The following IL1RAPL1 variants were observed in gnomAD, a reference collection of about 807,000 sequenced individuals.
The protein encoded by IL1RAPL1 is interleukin 1 receptor accessory protein like 1.
In IL1RAPL1, 3 loss-of-function variants were observed where a neutral mutation model predicts 48.4. That is an observed-to-expected ratio of 0.06 (90% CI 0.03 to 0.16). IL1RAPL1 has a LOEUF of 0.16. Ranked by LOEUF, IL1RAPL1 falls within the 10% of genes least tolerant of loss-of-function variation. IL1RAPL1 has a pLI of 1.00. For missense variants in IL1RAPL1, 349 were observed against 530.6 expected, an observed-to-expected ratio of 0.66 and a Z score of 3.36; for synonymous variants, 185 against 187.7, an observed-to-expected ratio of 0.99 and a Z score of 0.12.
intron 1 of IL1RAPL1, among the ~76,000 whole-genome samples, chrX:28,687,931 G>A (rs1263213877): frequency 3.6e-5 from 4 of 109,795 alleles, no homozygotes; most frequent in Admixed American, 1.9e-4. Flanking sequence ...GCGAAACTTC[G>A]TCTCTACTAA....
chrX:29,930,246 C>T (rs772612217), intron 8 of IL1RAPL1, among the ~76,000 whole-genome samples: 1 of 111,955 alleles, frequency 8.9e-6, no homozygotes, highest in African/African-American at 3.2e-5. Context: ...TAAAAAATTC[C>T]TGTTAGACTT....
intron 2 of IL1RAPL1, among the ~76,000 whole-genome samples, chrX:29,059,125 A>G (rs551666883): frequency 1.0e-3 from 115 of 112,085 alleles, no homozygotes; most frequent in South Asian, 3.4e-3. Flanking sequence ...ATTTTGGTTT[A>G]TGTTAATAGA....
chrX:28,876,466 T>A (rs1922375680), intron 2 of IL1RAPL1, among the ~76,000 whole-genome samples: 1 of 111,513 alleles, frequency 9.0e-6, no homozygotes, highest in Non-Finnish European at 1.9e-5. Flanking sequence ...GATATCTCTG[T>A]CACATCTGAG....
intron 3 of IL1RAPL1, among the ~76,000 whole-genome samples, chrX:29,371,373 C>G (rs962373852): frequency 3.0e-4 from 33 of 111,133 alleles, no homozygotes; most frequent in Non-Finnish European, 9.4e-5. Flanking sequence ...TTCAGGTGAT[C>G]CACCTGCCTC....
At position 29,013,087 on chromosome X, in the gene IL1RAPL1, T is replaced by C. The variant is rs950780752; in HGVS notation, c.82+223662T>C. ...CTGGTCCTGTCAAAGCAAAAGCATA[T>C]GAAACAAACATGTGAGAAAAGTTCA... On this transcript the variant is annotated intron_variant, in intron 2 of 10. Coordinates refer to ENST00000378993, the MANE Select transcript of IL1RAPL1 (RefSeq NM_014271.4). Among the ~76,000 whole-genome samples the C allele has an allele frequency of 8.2e-5, 9 of 110,175 alleles. No homozygotes were observed. The East Asian group carries it at 2.6e-3, about 32-fold the overall frequency.
At chrX:29,705,010 C>A (rs1324850812) in intron 6 of IL1RAPL1, among the ~76,000 whole-genome samples, 3 of 110,886 alleles carry the variant, frequency 2.7e-5, no homozygotes, top group Non-Finnish European at 5.7e-5. Context: ...TCTGGTATAG[C>A]CTTCAGCCAA....
intron 2 of IL1RAPL1, among the ~76,000 whole-genome samples, chrX:29,150,499 A>G (rs1929440920): frequency 1.8e-5 from 2 of 111,718 alleles, no homozygotes; most frequent in South Asian, 3.7e-4. Flanking sequence ...GACAAGGGGA[A>G]CCATGACCCC....
intron 2 of IL1RAPL1, among the ~76,000 whole-genome samples, chrX:28,875,137 T>A (rs1922334264): frequency 8.9e-6 from 1 of 112,085 alleles, no homozygotes; most frequent in African/African-American, 3.2e-5. Context: ...TTGATTAAAA[T>A]TATGAATAAT....
At chrX:29,101,765 G>A (rs149745997) in intron 2 of IL1RAPL1, among the ~76,000 whole-genome samples, 3 of 110,712 alleles carry the variant, frequency 2.7e-5, no homozygotes, top group South Asian at 3.9e-4. Context: ...GTGAAACTCC[G>A]TCTCTGCTAA....
intron 5 of IL1RAPL1, among the ~76,000 whole-genome samples, chrX:29,562,078 ATCTAATCTATCTGTCT>A (rs1279262162): frequency 4.8e-5 from 4 of 83,161 alleles, no homozygotes; most frequent in Non-Finnish European, 6.9e-5. Flanking sequence ...CTATCTATCT[ATCTAATCTATCTGTCT>A]ATCTATCTAT....
intron 5 of IL1RAPL1, among the ~76,000 whole-genome samples, chrX:29,438,216 A>G (rs193192517): frequency 8.3e-4 from 92 of 111,359 alleles, no homozygotes; most frequent in Admixed American, 3.8e-3. Context: ...TACAGGGTCT[A>G]TAGCAATAGT....
At chrX:29,547,883 A>T (rs1921679217) in intron 5 of IL1RAPL1, among the ~76,000 whole-genome samples, 1 of 112,700 alleles carries the variant, frequency 8.9e-6, no homozygotes. Context: ...GTCCTTAAAC[A>T]TAAGAGAAAC....
intron 2 of IL1RAPL1, among the ~76,000 whole-genome samples, chrX:29,112,886 G>A (rs1485543446): frequency 1.3e-4 from 12 of 94,429 alleles, no homozygotes; most frequent in Admixed American, 1.0e-3. Flanking sequence ...TGCAACCTCC[G>A]CCCCCCAGGT....
At chrX:29,932,779 TTATTTA>T (rs1444513989) in intron 8 of IL1RAPL1, among the ~76,000 whole-genome samples, 1 of 111,516 alleles carries the variant, frequency 9.0e-6, no homozygotes, top group Non-Finnish European at 1.9e-5. Context: ...CTTATTATTA[TTATTTA>T]TTATTATCTG....
chrX:29,444,349 A>T (rs752179430), intron 5 of IL1RAPL1, among the ~76,000 whole-genome samples: 2 of 109,200 alleles, frequency 1.8e-5, no homozygotes, highest in East Asian at 5.7e-4. Context: ...CTAAAAAAAA[A>T]AAAAAAAAGA....
At position 28,879,498 on chromosome X, in the gene IL1RAPL1, C is replaced by T. The variant is rs1922454995; in HGVS notation, c.82+90073C>T. Among the ~76,000 whole-genome samples, 7 of 111,227 alleles carry T rather than the reference C, an allele frequency of 6.3e-5. No individual in the cohort carries two copies. In the South Asian group the frequency reaches 2.6e-3, roughly 42 times the overall value. ...AGGAAGGTAAATAAAGATTAATTTACATTTGGTCAGGAGTATTTTTAAGAA... is the reference window on the plus strand; with the variant it reads ...AGGAAGGTAAATAAAGATTAATTTATATTTGGTCAGGAGTATTTTTAAGAA... On this transcript the variant is annotated intron_variant, in intron 2 of 10. Transcript: ENST00000378993.
intron 5 of IL1RAPL1, among the ~76,000 whole-genome samples, chrX:29,601,120 G>T (rs1279853809): frequency 9.0e-6 from 1 of 111,337 alleles, no homozygotes; most frequent in South Asian, 3.8e-4. Context: ...TTTTAACTTG[G>T]GTATGTTTTT....
chrX:29,452,104 G>T (rs903563311), intron 5 of IL1RAPL1, among the ~76,000 whole-genome samples: 1 of 111,838 alleles, frequency 8.9e-6, no homozygotes, highest in African/African-American at 3.2e-5. Flanking sequence ...ATAACAAAAT[G>T]ATTTTATCAA....
intron 6 of IL1RAPL1, among the ~76,000 whole-genome samples, chrX:29,900,622 G>A (rs1601873490): frequency 1.8e-5 from 2 of 112,275 alleles, no homozygotes; most frequent in Admixed American, 9.4e-5. Context: ...GTTAAGCTAA[G>A]TTCTTTCTTA....
Sources: gnomAD v4.1 joint callset for allele counts (sites outside exome capture counted in the v4.1 genomes callset) on GRCh38, gnomAD v4.1.1 for gene constraint, MANE v1.5 for transcripts, NCBI Gene and HGNC (gene_info 2026-07-23, HGNC 2026-07-21) for gene names.